PLXNA1: variants seen among roughly 807,000 people sequenced by gnomAD.
PLXNA1 encodes plexin-A1.
A neutral mutation model predicts 191.7 loss-of-function variants in PLXNA1; 77 were observed. That is an observed-to-expected ratio of 0.40 (90% confidence interval 0.33 to 0.49). The LOEUF is 0.49. PLXNA1 is among the 20% of genes least tolerant of loss of function. The pLI, the probability that PLXNA1 is intolerant of heterozygous loss-of-function variation, is 0.63. For synonymous variants in PLXNA1, 1,137 were observed against 1,156.4 expected (o/e 0.98, Z 0.34); for missense variants, 2,110 against 2,660.2 (o/e 0.79, Z 4.55).
At position 127,030,228 on chromosome 3, in the gene PLXNA1, G is replaced by C. The variant is rs371486370; in HGVS notation, c.5062-15G>C. 1 of 1,611,412 alleles carries C rather than the reference G, an allele frequency of 6.2e-7. No individual in the cohort carries two copies. The highest frequency in any genetic ancestry group is 8.5e-7 in the Non-Finnish European group (1 of 1,178,476). ...CAGCGCCCTGGGGCTCAGTGTCCCT[G>C]CCTGCCCCCCGCAGGGCACACTGCA... is the stretch of plus-strand genomic sequence containing the variant. On this transcript the variant is annotated splice_polypyrimidine_tract_variant and intron_variant, in intron 28 of 31. Coordinates refer to ENST00000393409, the MANE Select transcript of PLXNA1 (RefSeq NM_032242.4).
At chr3:126,989,888 G>A in intron 2 of PLXNA1, 101 bp downstream of exon 2, 1 of 1,087,412 alleles carries the variant, frequency 9.2e-7, no homozygotes, top group Non-Finnish European at 1.3e-6. Flanking sequence ...CTGTGTGCCT[G>A]GCCTGGCTTT....
Position 126,991,439 on chromosome 3 carries a change from G to A in PLXNA1, c.1250G>A (p.Gly417Asp). Residue 417 changes from glycine (G) to aspartate (D), a missense_variant, in exon 3 of 32, where the codon GGC becomes GAC. By Grantham distance (94) the Gly-to-Asp change is moderately conservative. This residue lies in a region of PLXNA1 where 903 missense variants were observed against 1,015.7 expected (regional missense o/e 0.89). Transcript: ENST00000393409. ...CAGGACTTCAACCAGCCCCTGGGGG[G>A]CACAGTCACCATTGAGGGGACGCCC... Reference protein sequence around the residue: ...CGQDFNQPLGGTVTIEGTPLF... With the variant: ...CGQDFNQPLGDTVTIEGTPLF... The A allele has an allele frequency of 6.2e-7, 1 of 1,612,874 alleles. No homozygotes were observed. Among genetic ancestry groups the A allele is most frequent in the Non-Finnish European group, 8.5e-7 (1 of 1,179,902 alleles).
chr3:126,984,115 C>T (rs116009086), intron 1 of PLXNA1, among the ~76,000 whole-genome samples: 4,030 of 152,298 alleles, frequency 0.026, 83 homozygotes, highest in Middle Eastern at 0.041. Context: ...AGGCAGCGGG[C>T]CGATCCCGGG....
chr3:126,988,637 T>C lies in PLXNA1; in HGVS notation c.44T>C (p.Leu15Pro). ...AGCCTGCAGGTGCTCCTGCTGCTGC[T>C]GCTGTTGCTGCTGCTGCTGCCGGGC... ...PRSLQVLLLL[L>P]LLLLLLPGMW... Residue 15 changes from leucine to proline, a missense_variant, in exon 2 of 32, where the codon CTG (leucine) becomes CCG (proline). By Grantham distance (98) the Leu-to-Pro change is moderately conservative. Coordinates refer to ENST00000393409, the MANE Select transcript of PLXNA1 (RefSeq NM_032242.4). 6.3e-7 allele frequency: 1 copy of C among 1,575,880 alleles called. No homozygotes were observed. Among genetic ancestry groups the C allele is most frequent in the South Asian group, 1.2e-5 (1 of 84,288 alleles).
Position 126,988,982 on chromosome 3 carries a change from G to A in PLXNA1, c.389G>A (p.Cys130Tyr), listed in dbSNP as rs2078975553. The A allele has an allele frequency of 6.2e-7, 1 of 1,613,082 alleles. No individual in the cohort carries two copies. The highest frequency in any genetic ancestry group is 8.5e-7 in the Non-Finnish European group (1 of 1,180,030). The change falls in exon 2 of 32, where the codon TGT becomes TAT. Residue 130 changes from cysteine to tyrosine, a missense_variant. Cys to Tyr is a radical substitution (Grantham distance 194, BLOSUM62 -2). Coordinates refer to ENST00000393409, the MANE Select transcript of PLXNA1 (RefSeq NM_032242.4). ...TATGCCGCTAACCGCCTGCTGGCCT[G>A]TGGCAGCGCCTCCCAGGGCATCTGC... is the stretch of plus-strand genomic sequence containing the variant. ...LDYAANRLLA[C>Y]GSASQGICQF... is the part of the protein sequence containing the mutation.
chr3:127,028,928 C>T (rs2079191021), intron 25 of PLXNA1, 65 bp from the exon 26 acceptor site: 5 of 1,305,448 alleles, frequency 3.8e-6, no homozygotes, highest in Non-Finnish European at 5.4e-6. Context: ...TCCCACTACA[C>T]TGCTGTGATG....
At chr3:127,015,108 G>C in intron 14 of PLXNA1, 76 bp from the exon 15 acceptor site, 2 of 1,544,948 alleles carry the variant, frequency 1.3e-6, no homozygotes, top group Non-Finnish European at 1.7e-6. Flanking sequence ...GGGGTAAGCA[G>C]GCCAAGTGGG....
Position 126,989,380 on chromosome 3 carries a change from C to G in PLXNA1, c.787C>G (p.Leu263Val), listed in dbSNP as rs770174244. The change falls in exon 2 of 32, where the codon CTA becomes GTA. Residue 263 changes from leucine to valine, a missense_variant. Transcript: ENST00000393409. ...GTTTGTCTACTACCTCACGCTGCAG[C>G]TAGACACACAGCTGACCTCGCCTGA... The part of the protein sequence containing the change: ...EQFVYYLTLQ[L>V]DTQLTSPDAA... 13 of 1,613,582 alleles carry G rather than the reference C, an allele frequency of 8.1e-6. No individual in the cohort carries two copies. The highest frequency in any genetic ancestry group is 1.0e-5 in the Non-Finnish European group (12 of 1,180,058).
intron 21 of PLXNA1, 97 bp downstream of exon 21, chr3:127,020,441 G>A: frequency 1.4e-6 from 2 of 1,454,450 alleles, no homozygotes; most frequent in Non-Finnish European, 1.9e-6. Flanking sequence ...GTATGGGGCA[G>A]CCTGTGTGGC....
At chr3:126,995,487 G>A (rs992222572) in intron 3 of PLXNA1, among the ~76,000 whole-genome samples, 7 of 152,258 alleles carry the variant, frequency 4.6e-5, no homozygotes, top group Non-Finnish European at 8.8e-5. Flanking sequence ...CCTGTGGGCC[G>A]GCTGACGGGC....
At chr3:127,014,690 C>T (rs542512521) in intron 13 of PLXNA1, 21 bp from the exon 14 acceptor site, 3 of 1,610,932 alleles carry the variant, frequency 1.9e-6, no homozygotes, top group African/African-American at 2.7e-5. Flanking sequence ...CCTGCAGCCC[C>T]TGAGGCCCGC....
At position 126,988,919 on chromosome 3, in the gene PLXNA1, G is replaced by T; in HGVS notation, c.326G>T (p.Gly109Val). The change falls in exon 2 of 32, where the codon GGC (glycine) becomes GTC (valine). Residue 109 changes from glycine (G) to valine (V), a missense_variant. By Grantham distance (109) the Gly-to-Val change is moderately radical (BLOSUM62 -3). Around this residue, in one of 4 missense-constraint regions of PLXNA1, gnomAD observed 903 missense variants for 1,015.7 expected, o/e 0.89. Transcript: ENST00000393409. ...GTGCAGTCCTGCCCCCACGGCCTGG[G>T]CAGTACTGACAACGTCAACAAGCTG... ...PSVQSCPHGL[G>V]STDNVNKLLL... 6.2e-7 allele frequency: 1 copy of T among 1,613,242 alleles called. No homozygotes were observed. Among genetic ancestry groups the T allele is most frequent in the Non-Finnish European group, 8.5e-7 (1 of 1,180,018 alleles).
Position 127,018,319 on chromosome 3 carries a change from C to A in PLXNA1, c.3686C>A (p.Ser1229Ter). The change falls in exon 20 of 32, where the codon TCG (serine) becomes TAG (stop). Residue 1229 changes from serine to a stop codon, truncating the protein, a stop_gained. Transcript: ENST00000393409. LOFTEE classifies it high-confidence loss of function. ...GTGCGGGCAGGTGGCTTCGAGTTCTCGCCAGGGACACTGCAGGTGTACTCG... is the reference window on the plus strand; with the variant it reads ...GTGCGGGCAGGTGGCTTCGAGTTCTAGCCAGGGACACTGCAGGTGTACTCG... ...VTVRAGGFEF[S>*]PGTLQVYSDS... The A allele has an allele frequency of 6.2e-7, 1 of 1,609,916 alleles. No individual in the cohort carries two copies. Among genetic ancestry groups the A allele is most frequent in the South Asian group, 1.1e-5 (1 of 90,684 alleles).
intron 29 of PLXNA1, 119 bp downstream of exon 29, chr3:127,030,531 A>C: frequency 8.0e-7 from 1 of 1,246,772 alleles, no homozygotes; most frequent in Non-Finnish European, 1.1e-6. Context: ...TGGGGACACA[A>C]CCCAGCAGGG....
chr3:127,029,621 G>A, intron 27 of PLXNA1, 85 bp downstream of exon 27: 1 of 1,435,806 alleles, frequency 7.0e-7, no homozygotes, highest in East Asian at 2.3e-5. Context: ...CGCTGCAGCA[G>A]CCGGACGGGA....
chr3:127,005,161 A>T lies in PLXNA1; in HGVS notation c.1815A>T (p.Glu605Asp). Residue 605 changes from glutamate to aspartate, a missense_variant, in exon 7 of 32, where the codon GAA (glutamate) becomes GAT (aspartate). Coordinates refer to ENST00000393409, the MANE Select transcript of PLXNA1 (RefSeq NM_032242.4). ...GVNCSFEDFT[E>D]SESVLEDGRI... ...ACTGCTCCTTCGAGGACTTCACGGAATCTGAGAGCGTCCTGGAGGATGGCC... is the reference window on the plus strand; with the variant it reads ...ACTGCTCCTTCGAGGACTTCACGGATTCTGAGAGCGTCCTGGAGGATGGCC... The T allele has an allele frequency of 6.2e-7, 1 of 1,612,642 alleles. No individual in the cohort carries two copies. Among genetic ancestry groups the T allele is most frequent in the Non-Finnish European group, 8.5e-7 (1 of 1,179,898 alleles).
intron 8 of PLXNA1, 23 bp downstream of exon 8, chr3:127,006,201 G>A (rs140598347): frequency 0.016 from 24,505 of 1,580,284 alleles, 245 homozygotes; most frequent in Non-Finnish European, 0.019. Flanking sequence ...AGGCCCCTCC[G>A]CCCGCCTGGG....
At position 127,003,361 on chromosome 3, in the gene PLXNA1, G is replaced by A. The variant is rs374308165; in HGVS notation, c.1409G>A (p.Arg470Gln). The A allele has an allele frequency of 2.8e-5, 45 of 1,609,166 alleles. No homozygotes were observed. The highest frequency in any genetic ancestry group is 1.1e-4 in the South Asian group (10 of 90,842). The change falls in exon 4 of 32, where the codon CGG becomes CAG. Residue 470 changes from arginine (R) to glutamine (Q), a missense_variant. Physicochemically the swap from Arg to Gln is conservative, Grantham distance 43. Coordinates refer to ENST00000393409, the MANE Select transcript of PLXNA1 (RefSeq NM_032242.4). ...ILVDLSNPGG[R>Q]PALAYESVVA... ...GTGGACCTCTCAAACCCCGGTGGCC[G>A]GCCTGCCCTGGCCTACGAGAGCGTC...
intron 1 of PLXNA1, among the ~76,000 whole-genome samples, chr3:126,983,587 C>G (rs979779680): frequency 1.4e-5 from 2 of 147,242 alleles, no homozygotes; most frequent in Non-Finnish European, 3.0e-5. Context: ...GGGACCGCGG[C>G]CCGGGATCCA....
Sources: gnomAD v4.1 joint callset for allele counts (sites outside exome capture counted in the v4.1 genomes callset) on GRCh38, gnomAD v4.1.1 for gene constraint, gnomAD v4.1.1 regional missense constraint, MANE v1.5 for transcripts, NCBI Gene and HGNC (gene_info 2026-07-23, HGNC 2026-07-21) for gene names.